DIP2A: variants seen among roughly 807,000 people sequenced by gnomAD.
The protein encoded by DIP2A is DIP2 acetate--CoA ligase A.
A neutral mutation model predicts 177.4 loss-of-function variants in DIP2A; 85 were observed. That is an observed-to-expected ratio of 0.48 (90% CI 0.40 to 0.57). The LOEUF is 0.57. Ranked by LOEUF, DIP2A falls within the 20% of genes least tolerant of loss-of-function variation. The pLI is 0.00. For synonymous variants in DIP2A, 886 were observed against 881.8 expected (o/e 1.00, Z -0.08); for missense variants, 1,791 against 2,100.2 (o/e 0.85, Z 2.88).
chr21:46,550,511 G>T, intron 22 of DIP2A, 32 bp from the exon 23 acceptor site: 1 of 1,593,256 alleles, frequency 6.3e-7, no homozygotes, highest in Non-Finnish European at 8.6e-7. Context: ...TCAAGTTGGG[G>T]GCCTGTGCCA....
chr21:46,571,094 C>G (rs545738254), downstream of DIP2A, among the ~76,000 whole-genome samples: 1 of 152,322 alleles, frequency 6.6e-6, no homozygotes, highest in East Asian at 1.9e-4. Context: ...GCATTACCAC[C>G]TGAGCTCTGC....
Position 46,458,987 on chromosome 21 carries a change from C to T in DIP2A, c.-145C>T, listed in dbSNP as rs915397329. The T allele has an allele frequency of 6.2e-5, 38 of 612,232 alleles. 1 individual carries two copies. Among genetic ancestry groups the T allele is most frequent in the South Asian group, 2.3e-4 (7 of 30,086 alleles). The allele number at this position is 612,232 out of a possible 1,614,324, so 37.9% of individuals were successfully genotyped here. ...CCGCGCGGGTGCGTTGCTGTCCTGG[C>T]CGCGCCCCTGTCCCGCCGCCTCCCG... On this transcript the variant is annotated 5_prime_UTR_variant, in exon 1 of 38. Coordinates refer to ENST00000417564, the MANE Select transcript of DIP2A (RefSeq NM_015151.4).
At chr21:46,487,258 G>C (rs550798717) in intron 2 of DIP2A, among the ~76,000 whole-genome samples, 154 of 152,290 alleles carry the variant, frequency 1.0e-3, no homozygotes, top group African/African-American at 3.5e-3. Flanking sequence ...ACAACAACAA[G>C]AAGATTGACG....
At chr21:46,560,573 C>A (rs917371494) in intron 32 of DIP2A, 149 bp from the exon 33 acceptor site, 3 of 1,012,788 alleles carry the variant, frequency 3.0e-6, no homozygotes, top group Admixed American at 2.6e-5. Context: ...GACCTTGAAC[C>A]CCTAGGCGGA....
At chr21:46,503,531 CAATT>C (rs931529285) in intron 5 of DIP2A, among the ~76,000 whole-genome samples, 3 of 151,348 alleles carry the variant, frequency 2.0e-5, no homozygotes, top group Non-Finnish European at 4.4e-5. Flanking sequence ...GTACCAGTGA[CAATT>C]GATTTCAAAT....
At chr21:46,471,290 C>G (rs1448832743) in intron 1 of DIP2A, among the ~76,000 whole-genome samples, 1 of 152,196 alleles carries the variant, frequency 6.6e-6, no homozygotes, top group African/African-American at 2.4e-5. Flanking sequence ...CTTGGCCTCC[C>G]AAAGTCCTGG....
At chr21:46,538,425 C>A in intron 15 of DIP2A, 58 bp from the exon 16 acceptor site, 1 of 1,524,752 alleles carries the variant, frequency 6.6e-7, no homozygotes, top group Non-Finnish European at 8.8e-7. Flanking sequence ...TGTCTGTAGG[C>A]GTGTGAGGGT....
chr21:46,528,507 ATACTGACTTTTTCTGCT>A (rs2059205081), intron 8 of DIP2A, among the ~76,000 whole-genome samples: 1 of 129,174 alleles, frequency 7.7e-6, no homozygotes, highest in Non-Finnish European at 1.6e-5. Flanking sequence ...TGTATACCAA[ATACTGACTTTTTCTGCT>A]TGCTTTTTTT....
At chr21:46,559,294 G>T (rs567636953) in intron 32 of DIP2A, among the ~76,000 whole-genome samples, 14 of 152,158 alleles carry the variant, frequency 9.2e-5, no homozygotes, top group Admixed American at 7.8e-4. Context: ...CATATTGAAC[G>T]CCTTATTCAC....
chr21:46,538,973 C>T (rs2148802485), intron 16 of DIP2A: 1 of 189,358 alleles, frequency 5.3e-6, no homozygotes, highest in African/African-American at 2.6e-5. Flanking sequence ...TCTGGCTTCA[C>T]TTCTCCCACC....
Position 46,567,844 on chromosome 21 carries a change from T to C in DIP2A, c.*222T>C. On this transcript the variant is annotated 3_prime_UTR_variant, in exon 38 of 38. Transcript: ENST00000417564. The stretch of plus-strand genomic sequence containing the variant: ...ACATTTACAAAAACACGGATGCTGG[T>C]ATTTTAACAGATGGAGAGACAAGGA... 1 of 486,716 alleles carries C rather than the reference T, an allele frequency of 2.1e-6. No individual in the cohort carries two copies. The highest frequency in any genetic ancestry group is 3.4e-6 in the Non-Finnish European group (1 of 292,264). The allele number at this position is 486,716 out of a possible 1,614,324, so 30.1% of individuals were successfully genotyped here. A position where few individuals can be genotyped will look rare whatever the true frequency, so the allele number is the denominator to read the frequency against.
chr21:46,507,572 G>A lies in DIP2A; in HGVS notation c.785-1685G>A, dbSNP rs112072648. ...GGCTCTGGGCTCTGTGTGTTGTTCC[G>A]TTTCCTTATTTATCTGTCCTTACAC... On this transcript the variant is annotated intron_variant, in intron 6 of 37. Coordinates refer to ENST00000417564, the MANE Select transcript of DIP2A (RefSeq NM_015151.4). Among the ~76,000 whole-genome samples, 262 of 150,074 alleles carry A rather than the reference G, an allele frequency of 1.7e-3. 3 individuals carry two copies. The highest frequency in any genetic ancestry group is 6.0e-3 in the African/African-American group (245 of 40,760).
chr21:46,538,338 G>C lies in DIP2A; in HGVS notation c.1802-145G>C, dbSNP rs1328090648. ...GTTAGACTGCATGTGAGAGACGGCTGCAGAGAGCTTGTGACCTGGGAGCTA... is the reference window on the plus strand; with the variant it reads ...GTTAGACTGCATGTGAGAGACGGCTCCAGAGAGCTTGTGACCTGGGAGCTA... On this transcript the variant is annotated intron_variant, in intron 15 of 37. Coordinates refer to ENST00000417564, the MANE Select transcript of DIP2A (RefSeq NM_015151.4). 5 of 1,226,486 alleles carry C rather than the reference G, an allele frequency of 4.1e-6. No homozygotes were observed. In the African/African-American group the frequency reaches 7.6e-5, roughly 19 times the overall value. The allele number at this position is 1,226,486 out of a possible 1,614,324, so 76.0% of individuals were successfully genotyped here.
chr21:46,554,824 C>T lies in DIP2A; in HGVS notation c.3279C>T (p.Val1093=). ...TLPTVKMIVE[V]SKSACVLTTQ... ...ACCCTTGGCCCCTCGCCATGCAGGT[C>T]AGCAAGTCTGCATGCGTCCTCACCA... Residue 1093 remains valine, a splice_region_variant and synonymous_variant, in exon 28 of 38, where the codon GTC becomes GTT. Transcript: ENST00000417564. 6.5e-7 allele frequency: 1 copy of T among 1,528,832 alleles called. No homozygotes were observed. The highest frequency in any genetic ancestry group is 8.8e-7 in the Non-Finnish European group (1 of 1,139,700). The allele number at this position is 1,528,832 out of a possible 1,614,324, so 94.7% of individuals were successfully genotyped here. A position where few individuals can be genotyped will look rare whatever the true frequency, so the allele number is the denominator to read the frequency against.
the DIP2A span, among the ~76,000 whole-genome samples, chr21:46,578,275 G>A: frequency 6.6e-6 from 1 of 152,164 alleles, no homozygotes; most frequent in Admixed American, 6.5e-5. Flanking sequence ...TTGTGCCACT[G>A]CACTCCAGCC....
chr21:46,541,450 C>T (rs1172539841), intron 17 of DIP2A, among the ~76,000 whole-genome samples: 1 of 152,194 alleles, frequency 6.6e-6, no homozygotes, highest in East Asian at 1.9e-4. Flanking sequence ...CACAGGGCTC[C>T]AGGCGAGTGT....
At chr21:46,495,244 T>TTCTCTTCTTTCTCTCTCTCTCTCTCTCTC (rs2057275285) in intron 3 of DIP2A, among the ~76,000 whole-genome samples, 2 of 38,210 alleles carry the variant, frequency 5.2e-5, no homozygotes, top group Admixed American at 3.0e-4. Context: ...CTTCTCTTCT[T>TTCTCTTCTTTCTCTCTCTCTCTCTCTCTC]TCTCTCTCTC....
At chr21:46,520,949 A>G (rs2058796614) in intron 8 of DIP2A, among the ~76,000 whole-genome samples, 1 of 152,228 alleles carries the variant, frequency 6.6e-6, no homozygotes, top group Non-Finnish European at 1.5e-5. Context: ...GGCAGAATTT[A>G]GAGTATGATG....
intron 17 of DIP2A, among the ~76,000 whole-genome samples, chr21:46,540,840 C>G (rs922165627): frequency 6.6e-6 from 1 of 151,784 alleles, no homozygotes; most frequent in Non-Finnish European, 1.5e-5. Flanking sequence ...ATAGTGAAAC[C>G]CCATCTCTAC....
Sources: allele counts gnomAD v4.1 joint callset (sites outside exome capture counted in the v4.1 genomes callset), GRCh38; gene constraint gnomAD v4.1.1; transcripts MANE v1.5; gene names NCBI Gene and HGNC (gene_info 2026-07-23, HGNC 2026-07-21).